KDELR2: variants seen among roughly 807,000 people sequenced by gnomAD.
KDELR2 encodes KDEL endoplasmic reticulum protein retention receptor 2.
Under a neutral mutation model 23.9 loss-of-function variants are expected in KDELR2, and 15 were observed. That is an observed-to-expected ratio of 0.63 (90% confidence interval 0.42 to 0.97). The LOEUF (loss-of-function observed/expected upper bound fraction) is 0.97, where lower values mean the gene tolerates loss of function less well. KDELR2 is among the 50% of genes least tolerant of loss of function. The pLI is 0.00. For missense variants in KDELR2, 272 were observed against 254.6 expected, an observed-to-expected ratio of 1.07 and a Z score of -0.46; for synonymous variants, 119 against 106.2, an observed-to-expected ratio of 1.12 and a Z score of -0.74.
rs185860051 is a variant in KDELR2 at position 6,465,207 on chromosome 7, A to T, written c.604+864T>A. On this transcript the variant is annotated intron_variant, in intron 4 of 4. Transcript: ENST00000258739. ...TTTTTTTTTTTTTTTTTTGAGAGAG[A>T]GAGTCTCGCACTGTCACCCAGGCTG... is the stretch of plus-strand genomic sequence containing the variant. 4.5e-4 allele frequency among the ~76,000 whole-genome samples: 62 copies of T among 136,524 alleles called. No individual in the cohort carries two copies. In the East Asian group the frequency reaches 0.012, roughly 27 times the overall value. 89.6% of individuals were successfully genotyped at this position (136,524 alleles called of 152,430 possible).
chr7:6,467,685 C>T (rs967293813), intron 3 of KDELR2, among the ~76,000 whole-genome samples: 1 of 152,092 alleles, frequency 6.6e-6, no homozygotes, highest in African/African-American at 2.4e-5. Flanking sequence ...CGCTTGAACC[C>T]AGGAGGCGGA....
intron 1 of KDELR2, among the ~76,000 whole-genome samples, chr7:6,482,991 C>A (rs1785936387): frequency 1.4e-5 from 2 of 147,140 alleles, no homozygotes; most frequent in African/African-American, 2.5e-5. Context: ...GGTGACAGAG[C>A]GAGACCCTGC....
At chr7:6,477,301 T>C (rs773468803) in intron 1 of KDELR2, among the ~76,000 whole-genome samples, 1 of 152,194 alleles carries the variant, frequency 6.6e-6, no homozygotes, top group South Asian at 2.1e-4. Flanking sequence ...GATTAGGAAG[T>C]AGCAGCTTCT....
chr7:6,473,785 G>A (rs1785701922), intron 2 of KDELR2, among the ~76,000 whole-genome samples: 1 of 152,174 alleles, frequency 6.6e-6, no homozygotes, highest in Admixed American at 6.5e-5. Context: ...ACTGCAACTA[G>A]GAGTCCTGCT....
Position 6,462,778 on chromosome 7 carries a change from A to G in KDELR2, c.*363T>C. Reference sequence around the variant, plus strand: ...CAAGGAGTACAATTTCATTGCAGACACAAAGACTTAAGAGTTTCAAAGAAT... The same window carrying G: ...CAAGGAGTACAATTTCATTGCAGACGCAAAGACTTAAGAGTTTCAAAGAAT... On this transcript the variant is annotated 3_prime_UTR_variant, in exon 5 of 5. Coordinates refer to ENST00000258739, the MANE Select transcript of KDELR2 (RefSeq NM_006854.4). The G allele has an allele frequency of 2.0e-6, 1 of 510,190 alleles. No individual in the cohort carries two copies. Among genetic ancestry groups the G allele is most frequent in the Non-Finnish European group, 3.4e-6 (1 of 292,902 alleles). 31.6% of individuals were successfully genotyped at this position (510,190 alleles called of 1,614,324 possible). A position where few individuals can be genotyped will look rare whatever the true frequency, so the allele number is the denominator to read the frequency against.
chr7:6,480,974 G>A (rs1044756310), intron 1 of KDELR2, among the ~76,000 whole-genome samples: 1 of 152,090 alleles, frequency 6.6e-6, no homozygotes, highest in Non-Finnish European at 1.5e-5. Flanking sequence ...ACACACACAC[G>A]AAGTTAACTC....
Position 6,481,728 on chromosome 7 carries a change from TAAACAAACAAAC to T in KDELR2, c.91+2227_91+2238del, listed in dbSNP as rs368614334. ...GAGTGAGACATCGGTCCCACTGTTT[TAAACAAACAAAC>T]AAACAAACAAACAAAAAAACTAACA... On this transcript the variant is annotated intron_variant, in intron 1 of 4. Coordinates refer to ENST00000258739, the MANE Select transcript of KDELR2 (RefSeq NM_006854.4). Among the ~76,000 whole-genome samples the T allele has an allele frequency of 2.9e-3, 439 of 152,074 alleles. 2 individuals are homozygous for T. Among genetic ancestry groups the T allele is most frequent in the African/African-American group, 0.01 (417 of 41,440 alleles).
Position 6,462,823 on chromosome 7 carries a change from A to AT in KDELR2, c.*317dup, listed in dbSNP as rs1785416351. On this transcript the variant is annotated 3_prime_UTR_variant, in exon 5 of 5. Coordinates refer to ENST00000258739, the MANE Select transcript of KDELR2 (RefSeq NM_006854.4). ...AAGAATTTTTTAAAATAAAAAAAAA[A>AT]TTTGCACTTATTCCTCACAAAATCT... 3.1e-6 allele frequency: 2 copies of AT among 644,902 alleles called. No individual in the cohort carries two copies. Among genetic ancestry groups the AT allele is most frequent in the Non-Finnish European group, 4.9e-6 (2 of 404,248 alleles). The allele number at this position is 644,902 out of a possible 1,614,324, so 39.9% of individuals were successfully genotyped here. A position where few individuals can be genotyped will look rare whatever the true frequency, so the allele number is the denominator to read the frequency against.
intron 3 of KDELR2, among the ~76,000 whole-genome samples, chr7:6,468,968 G>C (rs1319931815): frequency 7.0e-6 from 1 of 142,310 alleles, no homozygotes; most frequent in Admixed American, 7.0e-5. Flanking sequence ...TTTTTTTTTT[G>C]AGAGACGGAG....
At chr7:6,466,739 G>C (rs954876871) in intron 3 of KDELR2, among the ~76,000 whole-genome samples, 2 of 151,600 alleles carry the variant, frequency 1.3e-5, no homozygotes, top group Non-Finnish European at 2.9e-5. Context: ...CAGATCATCA[G>C]GCATTAGATT....
chr7:6,482,908 G>C (rs1785933914), intron 1 of KDELR2, among the ~76,000 whole-genome samples: 1 of 151,532 alleles, frequency 6.6e-6, no homozygotes, highest in South Asian at 2.1e-4. Flanking sequence ...AGGAGTCTGA[G>C]GCAGGAGGAT....
chr7:6,483,677 C>T (rs1162806744), intron 1 of KDELR2, among the ~76,000 whole-genome samples: 1 of 152,250 alleles, frequency 6.6e-6, no homozygotes, highest in Non-Finnish European at 1.5e-5. Flanking sequence ...CGTCCCACGC[C>T]AACTTTTCAG....
intron 1 of KDELR2, among the ~76,000 whole-genome samples, chr7:6,483,765 C>G (rs12113949): frequency 0.9 from 137,409 of 152,116 alleles, 62,693 homozygotes; most frequent in African/African-American, 0.97. Context: ...AGCGGGGTCC[C>G]GCGCTGCGAC....
At chr7:6,474,416 GA>G in intron 1 of KDELR2, 132 bp from the exon 2 acceptor site, 1 of 624,382 alleles carries the variant, frequency 1.6e-6, no homozygotes, top group South Asian at 1.9e-5. Context: ...GGATGGCTCT[GA>G]ATGAACAAGA....
chr7:6,463,205 A>C, intron 4 of KDELR2, 30 bp from the exon 5 acceptor site: 1 of 1,582,592 alleles, frequency 6.3e-7, no homozygotes, highest in Non-Finnish European at 8.6e-7. Context: ...AAAAGAAAAC[A>C]AAAGGTTACT....
chr7:6,464,809 C>A (rs559242542), intron 4 of KDELR2, among the ~76,000 whole-genome samples: 22 of 144,848 alleles, frequency 1.5e-4, no homozygotes, highest in African/African-American at 5.4e-4. Flanking sequence ...GATATCAGCT[C>A]ACTGCAACCT....
intron 2 of KDELR2, among the ~76,000 whole-genome samples, chr7:6,470,707 T>C (rs1390823577): frequency 6.6e-6 from 1 of 152,198 alleles, no homozygotes; most frequent in African/African-American, 2.4e-5. Context: ...TAATTTTTGT[T>C]TGTAAACATA....
At chr7:6,474,010 C>T (rs367558750) in intron 2 of KDELR2, 174 bp downstream of exon 2, 15 of 474,492 alleles carry the variant, frequency 3.2e-5, no homozygotes, top group African/African-American at 1.8e-4. Flanking sequence ...ACTGATAGCT[C>T]GTTTAGTCCC....
At chr7:6,467,749 A>G (rs111305136) in intron 3 of KDELR2, among the ~76,000 whole-genome samples, 12,417 of 151,778 alleles carry the variant, frequency 0.082, 1,034 homozygotes, top group East Asian at 0.25. Context: ...TGACAGCGAG[A>G]CTCTGTCTCA....
Sources: gnomAD v4.1 joint callset for allele counts (sites outside exome capture counted in the v4.1 genomes callset) on GRCh38, gnomAD v4.1.1 for gene constraint, MANE v1.5 for transcripts, NCBI Gene and HGNC (gene_info 2026-07-23, HGNC 2026-07-21) for gene names.